Variants in RAB27A observed in about 807,000 individuals in gnomAD.
RAB27A encodes RAB27A, member RAS oncogene family.
In RAB27A, 17 loss-of-function variants were observed where a neutral mutation model predicts 20.8. That is an observed-to-expected ratio of 0.82 (90% CI 0.56 to 1.23). The LOEUF (loss-of-function observed/expected upper bound fraction) is 1.23, where lower values mean the gene tolerates loss of function less well. RAB27A is among the 50% of genes most tolerant of loss of function. The pLI is 0.00. For missense variants in RAB27A, 277 were observed against 266.7 expected, an observed-to-expected ratio of 1.04 and a Z score of -0.27; for synonymous variants, 85 against 92.8, an observed-to-expected ratio of 0.92 and a Z score of 0.48.
Position 55,205,617 on chromosome 15 carries a change from C to T in RAB27A, c.556G>A (p.Glu186Lys), listed in dbSNP as rs772264224. 2 of 1,614,148 alleles carry T rather than the reference C, an allele frequency of 1.2e-6. No homozygotes were observed. Among genetic ancestry groups the T allele is most frequent in the Non-Finnish European group, 1.7e-6 (2 of 1,180,012 alleles). Residue 186 changes from glutamate to lysine, a missense_variant, in exon 7 of 7, where the codon GAA (glutamate) becomes AAA (lysine). By Grantham distance (56) the Glu-to-Lys change is moderately conservative (BLOSUM62 1). Transcript: ENST00000336787. ...ATCCAGGACTTGTCCACACACCGTT[C>T]CATTCGCTTCATTATCAGGTCCAGA... The part of the protein sequence containing the change: ...MLLDLIMKRM[E>K]RCVDKSWIPE...
chr15:55,310,202 A>G (rs1485672504), intron 2 of RAB27A, among the ~76,000 whole-genome samples: 2 of 152,188 alleles, frequency 1.3e-5, no homozygotes, highest in Non-Finnish European at 2.9e-5. Context: ...GTATCTAGTG[A>G]CTGGCTGTCC....
chr15:55,228,410 C>G lies in RAB27A; in HGVS notation c.343+199G>C, dbSNP rs150416861. ...CACCTGGAGCACAGGAAGTACTCAA[C>G]AAATCAAAGTTATCAGTACCAGGGA... On this transcript the variant is annotated intron_variant, in intron 5 of 6. Coordinates refer to ENST00000336787, the MANE Select transcript of RAB27A (RefSeq NM_183235.3). Among the ~76,000 whole-genome samples, 441 of 152,288 alleles carry G rather than the reference C, an allele frequency of 2.9e-3. 4 individuals carry two copies. Among genetic ancestry groups the G allele is most frequent in the African/African-American group, 9.9e-3 (410 of 41,544 alleles).
rs1477186124 is a variant in RAB27A at position 55,209,783 on chromosome 15, CATAT to C, written c.468-4082_468-4079del. ...GTGTGTACATATACATATATACACA[CATAT>C]GTGTGTATGTATACATATATACACA... On this transcript the variant is annotated intron_variant, in intron 6 of 6. Transcript: ENST00000336787. 8.1e-5 allele frequency among the ~76,000 whole-genome samples: 10 copies of C among 123,640 alleles called. 3 individuals carry two copies. The highest frequency in any genetic ancestry group is 4.4e-4 in the African/African-American group (10 of 22,808). 81.1% of individuals were successfully genotyped at this position (123,640 alleles called of 152,430 possible).
intron 1 of RAB27A, among the ~76,000 whole-genome samples, chr15:55,271,457 T>C (rs1286325743): frequency 1.3e-5 from 2 of 152,226 alleles, no homozygotes; most frequent in African/African-American, 4.8e-5. Context: ...CAGGTGATTC[T>C]GATACACACT....
intron 2 of RAB27A, among the ~76,000 whole-genome samples, chr15:55,308,365 T>TTA (rs2055006881): frequency 6.6e-6 from 1 of 152,228 alleles, no homozygotes; most frequent in Non-Finnish European, 1.5e-5. Context: ...GTAAGCATAC[T>TTA]TAGAGTCTGT....
At chr15:55,210,063 T>TATATATA in intron 6 of RAB27A, among the ~76,000 whole-genome samples, 1 of 136,868 alleles carries the variant, frequency 7.3e-6, no homozygotes, top group Non-Finnish European at 1.6e-5. Flanking sequence ...TACACATATG[T>TATATATA]GTGTGTACAT....
chr15:55,302,690 C>T (rs1379000717), intron 2 of RAB27A, among the ~76,000 whole-genome samples: 3 of 113,238 alleles, frequency 2.6e-5, no homozygotes, highest in African/African-American at 9.1e-5. Context: ...CCCGGCCGCC[C>T]ATCGTCTGAG....
intron 1 of RAB27A, among the ~76,000 whole-genome samples, chr15:55,278,482 A>ATTT (rs11290945): frequency 2.2e-5 from 3 of 137,498 alleles, no homozygotes; most frequent in Non-Finnish European, 4.7e-5. Flanking sequence ...AATCATTATT[A>ATTT]TTTTTTTTTT....
chr15:55,306,603 G>A (rs1165801267), intron 2 of RAB27A, among the ~76,000 whole-genome samples: 1 of 152,194 alleles, frequency 6.6e-6, no homozygotes, highest in Non-Finnish European at 1.5e-5. Flanking sequence ...GGACAACTAG[G>A]ATTAATCATT....
chr15:55,237,245 A>T (rs1280999305), intron 2 of RAB27A: 1 of 152,092 alleles, frequency 6.6e-6, no homozygotes, highest in African/African-American at 2.4e-5. Flanking sequence ...AAATTAATAA[A>T]AACTCAGACA....
chr15:55,209,850 A>G (rs1258846146), intron 6 of RAB27A, among the ~76,000 whole-genome samples: 8 of 88,998 alleles, frequency 9.0e-5, no homozygotes, highest in Admixed American at 3.5e-4. Flanking sequence ...GTACACATAT[A>G]TGTGTGTATA....
intron 1 of RAB27A, among the ~76,000 whole-genome samples, chr15:55,281,440 A>G (rs1898013293): frequency 6.6e-6 from 1 of 152,224 alleles, no homozygotes; most frequent in South Asian, 2.1e-4. Context: ...GGATAGGCAC[A>G]GTGGTTCATG....
Position 55,223,963 on chromosome 15 carries a change from A to G in RAB27A, c.393T>C (p.Cys131=), listed in dbSNP as rs1352087363. Residue 131 remains cysteine, a synonymous_variant, in exon 6 of 7, where the codon TGT becomes TGC. Coordinates refer to ENST00000336787, the MANE Select transcript of RAB27A (RefSeq NM_183235.3). The part of the protein sequence containing the change: ...AYCENPDIVL[C]GNKSDLEDQR... ...GGTCCTCCAGATCACTCTTGTTTCC[A>G]CACAGCACTATATCTGGGTTTTCAC... The G allele has an allele frequency of 1.2e-6, 2 of 1,610,954 alleles. No homozygotes were observed. The highest frequency in any genetic ancestry group is 1.7e-6 in the Non-Finnish European group (2 of 1,177,332).
chr15:55,226,751 C>T (rs1895817214), intron 5 of RAB27A, among the ~76,000 whole-genome samples: 1 of 151,310 alleles, frequency 6.6e-6, no homozygotes, highest in African/African-American at 2.4e-5. Context: ...GCCTGTAATC[C>T]CAGCTACTCG....
At chr15:55,224,124 G>A (rs561905064) in intron 5 of RAB27A, 112 bp from the exon 6 acceptor site, 2 of 795,826 alleles carry the variant, frequency 2.5e-6, no homozygotes, top group Admixed American at 2.2e-5. Flanking sequence ...TAGATATTGG[G>A]AATTGACATA....
At chr15:55,220,728 T>C (rs1401029109) in intron 6 of RAB27A, among the ~76,000 whole-genome samples, 1 of 152,254 alleles carries the variant, frequency 6.6e-6, no homozygotes, top group African/African-American at 2.4e-5. Context: ...AATATAGTCC[T>C]TTAGTGCATG....
intron 6 of RAB27A, among the ~76,000 whole-genome samples, chr15:55,209,748 ATATGTG>A (rs1338137638): frequency 1.1e-4 from 16 of 144,912 alleles, no homozygotes; most frequent in African/African-American, 4.1e-4. Flanking sequence ...ATACACATAT[ATATGTG>A]TATGTGTGTA....
intron 2 of RAB27A, among the ~76,000 whole-genome samples, chr15:55,313,460 T>C (rs1410925253): frequency 6.6e-6 from 1 of 152,196 alleles, no homozygotes; most frequent in Non-Finnish European, 1.5e-5. Flanking sequence ...TTAAAGGTAC[T>C]GAATAAATCC....
At chr15:55,302,245 G>C (rs999830327) in intron 2 of RAB27A, among the ~76,000 whole-genome samples, 1 of 151,506 alleles carries the variant, frequency 6.6e-6, no homozygotes, top group African/African-American at 2.4e-5. Flanking sequence ...CGCCACGCCT[G>C]ACTGGTTTTG....
Sources: allele counts gnomAD v4.1 joint callset (sites outside exome capture counted in the v4.1 genomes callset), GRCh38; gene constraint gnomAD v4.1.1; transcripts MANE v1.5; gene names NCBI Gene and HGNC (gene_info 2026-07-23, HGNC 2026-07-21).